The following POU6F2 variants were observed in gnomAD, a reference collection of about 807,000 sequenced individuals.
POU6F2 encodes the protein POU class 6 homeobox 2, also known as POU domain, class 6, transcription factor 2.
A neutral mutation model predicts 71.3 loss-of-function variants in POU6F2; 31 were observed. The ratio of observed to expected loss-of-function variants is 0.43; its 90% CI spans 0.33 to 0.59. POU6F2 has a LOEUF of 0.59. Among genes scored for constraint, POU6F2 ranks in the 20% least tolerant of loss-of-function variants. The pLI is 0.04. For missense variants in POU6F2, 783 were observed against 856.8 expected, an observed-to-expected ratio of 0.91 and a Z score of 1.07; for synonymous variants, 347 against 355.7, an observed-to-expected ratio of 0.98 and a Z score of 0.27.
chr7:38,983,619 T>C (rs865984946), intron 1 of POU6F2, among the ~76,000 whole-genome samples: 14 of 152,238 alleles, frequency 9.2e-5, no homozygotes, highest in Non-Finnish European at 5.9e-5. Context: ...TCAGTAAAGA[T>C]TTATTTTTCT....
chr7:39,310,180 G>A lies in POU6F2; in HGVS notation c.599-29462G>A, dbSNP rs183542539. ...TACTTCACAGTGCTTTACAATGAGC[G>A]GAAAAAGAGAAAGAAAAAAATCTTG... On this transcript the variant is annotated intron_variant, in intron 4 of 9. Coordinates refer to ENST00000518318, the MANE Select transcript of POU6F2 (RefSeq NM_001370959.1). Among the ~76,000 whole-genome samples, 4 of 152,154 alleles carry A rather than the reference G, an allele frequency of 2.6e-5. No individual in the cohort carries two copies. The East Asian group carries it at 5.8e-4, about 22-fold the overall frequency.
At chr7:39,249,764 C>T (rs375141411) in intron 4 of POU6F2, among the ~76,000 whole-genome samples, 8 of 152,142 alleles carry the variant, frequency 5.3e-5, no homozygotes, top group Non-Finnish European at 1.2e-4. Flanking sequence ...CTAATACACT[C>T]GATTCCTTGA....
rs771395357 is a variant in POU6F2, at chr7:39,105,896, T to C, written c.277+19865T>C. On this transcript the variant is annotated intron_variant, in intron 2 of 9. Coordinates refer to ENST00000518318, the MANE Select transcript of POU6F2 (RefSeq NM_001370959.1). ...CATGGAAAGCCAAGATGGAACCTAG[T>C]TGGATGCCAGCCTTCACACACAGTA... Among the ~76,000 whole-genome samples, 7 of 152,288 alleles carry C rather than the reference T, an allele frequency of 4.6e-5. No homozygotes were observed. The South Asian group carries it at 6.2e-4, about 14-fold the overall frequency.
intron 4 of POU6F2, among the ~76,000 whole-genome samples, chr7:39,214,000 A>G (rs886413999): frequency 1.3e-5 from 2 of 152,126 alleles, no homozygotes; most frequent in African/African-American, 2.4e-5. Context: ...GATGCTGGAG[A>G]TCTAATGGGC....
At chr7:39,085,111 G>T (rs139355514) in intron 1 of POU6F2, 1 of 151,900 alleles carries the variant, frequency 6.6e-6, no homozygotes, top group East Asian at 1.9e-4. Context: ...CTAGGTATCC[G>T]AATTATTGAA....
chr7:38,979,730 C>G (rs1191127625), intron 1 of POU6F2, among the ~76,000 whole-genome samples: 1 of 152,176 alleles, frequency 6.6e-6, no homozygotes, highest in East Asian at 1.9e-4. Context: ...TGATCACTGT[C>G]TTGTCCTGTT....
At chr7:39,217,720 A>G (rs1033628722) in intron 4 of POU6F2, among the ~76,000 whole-genome samples, 1 of 152,218 alleles carries the variant, frequency 6.6e-6, no homozygotes, top group Admixed American at 6.5e-5. Context: ...AGAAGTTATG[A>G]AAAGTAGTTG....
chr7:39,431,043 A>G (rs1298541661), intron 6 of POU6F2, among the ~76,000 whole-genome samples: 4 of 152,172 alleles, frequency 2.6e-5, no homozygotes, highest in Non-Finnish European at 4.4e-5. Context: ...CCACTCATCA[A>G]TAAAGTACTT....
intron 2 of POU6F2, among the ~76,000 whole-genome samples, chr7:39,144,523 A>G (rs369157245): frequency 2.0e-5 from 3 of 152,186 alleles, no homozygotes; most frequent in South Asian, 2.1e-4. Context: ...AAGTGTCTCT[A>G]TAAGTAAATA....
chr7:39,204,505 T>C (rs1335504303), intron 3 of POU6F2, among the ~76,000 whole-genome samples, 179 bp downstream of exon 3: 1 of 152,040 alleles, frequency 6.6e-6, no homozygotes, highest in East Asian at 1.9e-4. Flanking sequence ...CAAGAAAATA[T>C]GTGTTTGCAA....
intron 5 of POU6F2, among the ~76,000 whole-genome samples, chr7:39,358,180 G>C (rs1786299288): frequency 6.6e-6 from 1 of 152,150 alleles, no homozygotes; most frequent in Non-Finnish European, 1.5e-5. Flanking sequence ...TGGTGTGATA[G>C]TGATAGGTAG....
In POU6F2 at chr7:39,435,744, G is replaced by A. The variant is rs1788224294; in HGVS notation, c.1320+2461G>A. 2.0e-5 allele frequency among the ~76,000 whole-genome samples: 3 copies of A among 152,092 alleles called. 1 individual carries two copies. In the South Asian group the frequency reaches 6.2e-4, roughly 32 times the overall value. ...ATGGTATTGCCTAGGTTTTCTTCTA[G>A]GGTTTTTATGGTGTGGGGTTTTACA... On this transcript the variant is annotated intron_variant, in intron 7 of 9. Transcript: ENST00000518318.
At chr7:39,413,741 TG>T (rs1475551679) in intron 6 of POU6F2, among the ~76,000 whole-genome samples, 2 of 152,210 alleles carry the variant, frequency 1.3e-5, no homozygotes, top group Non-Finnish European at 2.9e-5. Flanking sequence ...TATATGTTCA[TG>T]GGATTAGTAA....
intron 5 of POU6F2, among the ~76,000 whole-genome samples, chr7:39,346,929 C>A (rs1015530175): frequency 6.6e-6 from 1 of 152,206 alleles, no homozygotes; most frequent in Non-Finnish European, 1.5e-5. Flanking sequence ...ATTTACTGAG[C>A]ACCTGTGCTG....
intron 2 of POU6F2, among the ~76,000 whole-genome samples, chr7:39,148,224 A>G (rs1792661484): frequency 6.6e-6 from 1 of 152,156 alleles, no homozygotes; most frequent in African/African-American, 2.4e-5. Flanking sequence ...GTGGCTTTAC[A>G]AGTTCAGGTT....
intron 1 of POU6F2, among the ~76,000 whole-genome samples, chr7:39,026,015 G>A (rs1316178094): frequency 2.6e-5 from 4 of 152,188 alleles, no homozygotes; most frequent in Admixed American, 6.5e-5. Context: ...ATCATCACTG[G>A]CCATCAGAGA....
At chr7:39,309,116 T>C (rs1785106491) in intron 4 of POU6F2, among the ~76,000 whole-genome samples, 1 of 152,188 alleles carries the variant, frequency 6.6e-6, no homozygotes, top group African/African-American at 2.4e-5. Context: ...AAGGCACTCC[T>C]GGTTATAAAT....
chr7:39,019,549 A>G (rs1242773210), intron 1 of POU6F2, among the ~76,000 whole-genome samples: 2 of 152,048 alleles, frequency 1.3e-5, no homozygotes, highest in Non-Finnish European at 2.9e-5. Context: ...AATTGCTCAC[A>G]TTCCTTTTCT....
At chr7:39,384,180 G>A (rs1786887609) in intron 5 of POU6F2, among the ~76,000 whole-genome samples, 1 of 152,178 alleles carries the variant, frequency 6.6e-6, no homozygotes, top group Non-Finnish European at 1.5e-5. Flanking sequence ...TTCCACTAAA[G>A]TCTGGAGAAA....
Sources: allele counts gnomAD v4.1 joint callset (sites outside exome capture counted in the v4.1 genomes callset), GRCh38; gene constraint gnomAD v4.1.1; transcripts MANE v1.5; gene names NCBI Gene and HGNC (gene_info 2026-07-23, HGNC 2026-07-21).